ZNF407: variants seen among roughly 807,000 people sequenced by gnomAD.
ZNF407 encodes zinc finger protein 407.
A neutral mutation model predicts 131.2 loss-of-function variants in ZNF407; 17 were observed. That is an observed-to-expected ratio of 0.13 (90% confidence interval 0.09 to 0.19). The LOEUF is 0.19. Ranked by LOEUF, ZNF407 falls within the 10% of genes least tolerant of loss-of-function variation. ZNF407 has a pLI of 1.00. For synonymous variants in ZNF407, 1,156 were observed against 1,062.0 expected, an observed-to-expected ratio of 1.09 and a Z score of -1.72; for missense variants, 2,681 against 2,830.6, an observed-to-expected ratio of 0.95 and a Z score of 1.20.
intron 3 of ZNF407, among the ~76,000 whole-genome samples, chr18:74,770,272 C>T (rs1018293914): frequency 3.9e-5 from 6 of 152,032 alleles, no homozygotes. Context: ...GGTATGCTCA[C>T]CTGTAGTATT....
intron 3 of ZNF407, among the ~76,000 whole-genome samples, chr18:74,670,168 A>G (rs1986086619): frequency 6.6e-6 from 1 of 152,222 alleles, no homozygotes; most frequent in African/African-American, 2.4e-5. Context: ...AGTTCCTGAC[A>G]GTTGGACTGG....
At position 74,625,107 on chromosome 18, in the gene ZNF407, A is replaced by T. The variant is rs1983729714; in HGVS notation, c.-53-5860A>T. ...GGTAGCATTCAATATTTATTTGTTGAATGTTTGTTGTTATTTCTTGATATA... is the reference window on the plus strand; with the variant it reads ...GGTAGCATTCAATATTTATTTGTTGTATGTTTGTTGTTATTTCTTGATATA... On this transcript the variant is annotated intron_variant, in intron 1 of 8. Coordinates refer to ENST00000299687, the MANE Select transcript of ZNF407 (RefSeq NM_017757.3). Among the ~76,000 whole-genome samples, 9 of 152,210 alleles carry T rather than the reference A, an allele frequency of 5.9e-5. No individual in the cohort carries two copies. The South Asian group carries it at 1.9e-3, about 32-fold the overall frequency.
rs538594037 is a variant in ZNF407 at position 74,676,576 on chromosome 18, A to G, written c.4802+35454A>G. ...CTCAACCTCCCGAGTAGCTGGGACTACAGGCGCCCACCACCGTGCCCGGGT... is the reference window on the plus strand; with the variant it reads ...CTCAACCTCCCGAGTAGCTGGGACTGCAGGCGCCCACCACCGTGCCCGGGT... On this transcript the variant is annotated intron_variant, in intron 3 of 8. Transcript: ENST00000299687. 1.1e-4 allele frequency among the ~76,000 whole-genome samples: 17 copies of G among 151,226 alleles called. No homozygotes were observed. The South Asian group carries it at 1.7e-3, about 15-fold the overall frequency.
chr18:74,763,196 C>CTTTTTTTTTTT lies in ZNF407; in HGVS notation c.4803-18215_4803-18205dup, dbSNP rs71170316. Reference sequence around the variant, plus strand: ...ATGATTTTGAGCATCTTCTTAGGACCTTTTTTTTTTTTTTTTTTTTTTTTT... The same window carrying CTTTTTTTTTTT: ...ATGATTTTGAGCATCTTCTTAGGACCTTTTTTTTTTTTTTTTTTTTTTTTTTTTTTTTTTTT... On this transcript the variant is annotated intron_variant, in intron 3 of 8. Transcript: ENST00000299687. Among the ~76,000 whole-genome samples the CTTTTTTTTTTT allele has an allele frequency of 2.2e-4, 4 of 17,782 alleles. 1 individual carries two copies. The highest frequency in any genetic ancestry group is 4.5e-4 in the African/African-American group (3 of 6,614). The allele number at this position is 17,782 out of a possible 152,430, so 11.7% of individuals were successfully genotyped here. A position where few individuals can be genotyped will look rare whatever the true frequency, so the allele number is the denominator to read the frequency against.
intron 8 of ZNF407, among the ~76,000 whole-genome samples, chr18:74,926,384 G>A (rs1971913843): frequency 6.6e-6 from 1 of 152,188 alleles, no homozygotes; most frequent in South Asian, 2.1e-4. Flanking sequence ...AATTGTATTT[G>A]TGGATATTTA....
chr18:74,612,515 C>T (rs1159607772), intron 1 of ZNF407, among the ~76,000 whole-genome samples: 1 of 152,150 alleles, frequency 6.6e-6, no homozygotes, highest in East Asian at 1.9e-4. Context: ...GATGGAGAGA[C>T]AGGTTCTTGG....
At chr18:74,650,990 G>A (rs1985202522) in intron 3 of ZNF407, among the ~76,000 whole-genome samples, 1 of 151,954 alleles carries the variant, frequency 6.6e-6, no homozygotes, top group South Asian at 2.1e-4. Flanking sequence ...TTAGCTTGGT[G>A]GGACTGTAGC....
At chr18:75,018,097 A>G (rs947618357) in intron 8 of ZNF407, among the ~76,000 whole-genome samples, 2 of 152,216 alleles carry the variant, frequency 1.3e-5, no homozygotes, top group Non-Finnish European at 2.9e-5. Flanking sequence ...AATTATGTGA[A>G]CAACGGAATT....
intron 4 of ZNF407, among the ~76,000 whole-genome samples, chr18:74,808,192 T>C (rs1293768499): frequency 6.6e-6 from 1 of 152,214 alleles, no homozygotes; most frequent in Non-Finnish European, 1.5e-5. Context: ...TTTGTATTTT[T>C]AGTAGAGACA....
chr18:74,870,526 T>A (rs1436531795), intron 4 of ZNF407, among the ~76,000 whole-genome samples: 1 of 152,216 alleles, frequency 6.6e-6, no homozygotes, highest in Non-Finnish European at 1.5e-5. Flanking sequence ...TTAATACGAA[T>A]TATGCTCACA....
chr18:74,917,513 A>G (rs1017762505), intron 7 of ZNF407, among the ~76,000 whole-genome samples: 3 of 152,024 alleles, frequency 2.0e-5, no homozygotes, highest in African/African-American at 7.2e-5. Context: ...GAAGCTTCCT[A>G]CCTTTTTAAA....
At chr18:74,855,465 C>A (rs977873447) in intron 4 of ZNF407, among the ~76,000 whole-genome samples, 2 of 152,120 alleles carry the variant, frequency 1.3e-5, no homozygotes, top group Admixed American at 1.3e-4. Flanking sequence ...ATCCAATATC[C>A]AATATTTTTT....
chr18:74,804,894 G>A (rs1970085527), intron 4 of ZNF407, among the ~76,000 whole-genome samples: 1 of 152,214 alleles, frequency 6.6e-6, no homozygotes, highest in Non-Finnish European at 1.5e-5. Context: ...GGCTGTGACA[G>A]TTTGATTAGA....
At chr18:74,715,361 G>A (rs1285635537) in intron 3 of ZNF407, among the ~76,000 whole-genome samples, 1 of 152,186 alleles carries the variant, frequency 6.6e-6, no homozygotes, top group Non-Finnish European at 1.5e-5. Context: ...CTCTACGCTG[G>A]GTATTGTGCC....
intron 4 of ZNF407, chr18:74,804,139 C>CTTT: frequency 1.8e-6 from 2 of 1,137,446 alleles, no homozygotes; most frequent in Admixed American, 3.1e-5. Context: ...ATTTCATTGT[C>CTTT]TTTTTTTTTT....
intron 3 of ZNF407, among the ~76,000 whole-genome samples, chr18:74,757,967 A>C (rs746223110): frequency 6.6e-6 from 1 of 152,086 alleles, no homozygotes; most frequent in Non-Finnish European, 1.5e-5. Context: ...TCTTTTGGTT[A>C]CTGATTGCAT....
intron 3 of ZNF407, among the ~76,000 whole-genome samples, chr18:74,708,864 A>G (rs931507050): frequency 6.6e-6 from 1 of 152,242 alleles, no homozygotes; most frequent in Admixed American, 6.5e-5. Context: ...TACACACTAC[A>G]TGAACATAAT....
chr18:75,007,760 T>C (rs1365521288), intron 8 of ZNF407, among the ~76,000 whole-genome samples: 1 of 152,030 alleles, frequency 6.6e-6, no homozygotes, highest in Non-Finnish European at 1.5e-5. Flanking sequence ...CTTCACAGAG[T>C]TCTTAACCTA....
chr18:74,756,097 T>C (rs1017400906), intron 3 of ZNF407, among the ~76,000 whole-genome samples: 3 of 151,664 alleles, frequency 2.0e-5, no homozygotes, highest in Admixed American at 1.3e-4. Flanking sequence ...TTTCACCATG[T>C]TGGCCAGGAT....
Sources: gnomAD v4.1 joint callset for allele counts (sites outside exome capture counted in the v4.1 genomes callset) on GRCh38, gnomAD v4.1.1 for gene constraint, MANE v1.5 for transcripts, NCBI Gene and HGNC (gene_info 2026-07-23, HGNC 2026-07-21) for gene names.